The following STK3 variants were observed in gnomAD, a reference collection of about 807,000 sequenced individuals.
The protein encoded by STK3 is serine/threonine kinase 3, also known as serine/threonine-protein kinase 3.
A neutral mutation model predicts 58.0 loss-of-function variants in STK3; 41 were observed. That is an observed-to-expected ratio of 0.71 (90% CI 0.55 to 0.92). The LOEUF is 0.92. Ranked by LOEUF, STK3 falls within the 40% of genes least tolerant of loss-of-function variation. The pLI is 0.00. For synonymous variants in STK3, 170 were observed against 191.0 expected, an observed-to-expected ratio of 0.89 and a Z score of 0.91; for missense variants, 479 against 602.7, an observed-to-expected ratio of 0.79 and a Z score of 2.15.
At chr8:98,671,320 GA>G (rs1487634181) in intron 6 of STK3, among the ~76,000 whole-genome samples, 2 of 151,876 alleles carry the variant, frequency 1.3e-5, no homozygotes, top group African/African-American at 4.8e-5. Flanking sequence ...ATCTGAGGGG[GA>G]AAAAACCCAT....
chr8:98,641,240 C>T (rs1330348239), intron 6 of STK3, among the ~76,000 whole-genome samples: 2 of 152,084 alleles, frequency 1.3e-5, no homozygotes, highest in African/African-American at 4.8e-5. Flanking sequence ...TTCTCTCCTG[C>T]TAATTGACTT....
In STK3 at chr8:98,428,517, C is replaced by A. The variant is rs758587162; in HGVS notation, n.483+5610G>T. 6.2e-7 allele frequency: 1 copy of A among 1,614,176 alleles called. No homozygotes were observed. Among genetic ancestry groups the A allele is most frequent in the Non-Finnish European group, 8.5e-7 (1 of 1,180,034 alleles). On this transcript the variant is annotated intron_variant and non_coding_transcript_variant, in intron 3 of 3. Transcript: ENST00000517832. The surrounding 1 kb of genome is among the most constrained non-coding windows in gnomAD (Gnocchi z 6.7). ...GCAGCTGTGGCTGGCGCTGGACAAC[C>A]CCGGCTACTCAGTGCTGAGCAGGGT...
At chr8:98,672,567 C>T (rs181471350) in intron 6 of STK3, among the ~76,000 whole-genome samples, 6 of 152,252 alleles carry the variant, frequency 3.9e-5, no homozygotes, top group African/African-American at 1.4e-4. Context: ...GGCACTAGCA[C>T]ATTTAGAAAA....
At chr8:98,762,071 A>C (rs969157290) in intron 3 of STK3, among the ~76,000 whole-genome samples, 11 of 151,982 alleles carry the variant, frequency 7.2e-5, no homozygotes, top group Non-Finnish European at 1.0e-4. Flanking sequence ...CCCTGGGAAA[A>C]CTTTCCCTGA....
chr8:98,384,351 C>T (rs1817768594), intron 1 of STK3, among the ~76,000 whole-genome samples: 2 of 152,352 alleles, frequency 1.3e-5, no homozygotes, highest in East Asian at 1.9e-4. Flanking sequence ...AGCCTGCTTC[C>T]ACTTTGTGGA....
chr8:98,564,482 T>C (rs1812311440), intron 8 of STK3, among the ~76,000 whole-genome samples: 1 of 152,058 alleles, frequency 6.6e-6, no homozygotes, highest in South Asian at 2.1e-4. Flanking sequence ...GGGAGGCTTG[T>C]AGAGGCTAGG....
chr8:98,605,418 G>C (rs1011944699), intron 6 of STK3, among the ~76,000 whole-genome samples: 1 of 151,914 alleles, frequency 6.6e-6, no homozygotes, highest in African/African-American at 2.4e-5. Flanking sequence ...GAAGGTGAAG[G>C]GGAAGCAAGC....
At chr8:98,680,775 G>A (rs1202622302) in intron 6 of STK3, among the ~76,000 whole-genome samples, 1 of 151,830 alleles carries the variant, frequency 6.6e-6, no homozygotes, top group Non-Finnish European at 1.5e-5. Context: ...AACGATTTAA[G>A]ATCCAGAGAA....
intron 6 of STK3, among the ~76,000 whole-genome samples, chr8:98,636,783 T>C (rs1422668056): frequency 1.3e-5 from 2 of 152,142 alleles, no homozygotes; most frequent in Non-Finnish European, 2.9e-5. Context: ...AAACATATTA[T>C]TTAAAATGAA....
At chr8:98,667,256 A>C (rs1264768202) in intron 6 of STK3, among the ~76,000 whole-genome samples, 2 of 152,154 alleles carry the variant, frequency 1.3e-5, no homozygotes, top group African/African-American at 4.8e-5. Flanking sequence ...TTAAATATTT[A>C]GTCAGTAAAA....
intron 6 of STK3, among the ~76,000 whole-genome samples, chr8:98,654,086 A>C (rs180942671): frequency 6.6e-6 from 1 of 152,360 alleles, no homozygotes; most frequent in Non-Finnish European, 1.5e-5. Flanking sequence ...AATCCTCAAT[A>C]AAATACTGAC....
chr8:98,495,823 A>C (rs1823093409), intron 10 of STK3, among the ~76,000 whole-genome samples: 1 of 152,182 alleles, frequency 6.6e-6, no homozygotes, highest in Admixed American at 6.5e-5. Context: ...TAGACTTAAA[A>C]ATCTTAAAGC....
chr8:98,869,564 T>C (rs1428547153), intron 3 of STK3, among the ~76,000 whole-genome samples: 1 of 152,154 alleles, frequency 6.6e-6, no homozygotes, highest in Non-Finnish European at 1.5e-5. Context: ...AGGAAGGCCA[T>C]GTGAAGACAG....
At chr8:98,796,707 G>A (rs1587647640) in intron 1 of STK3, among the ~76,000 whole-genome samples, 1 of 152,148 alleles carries the variant, frequency 6.6e-6, no homozygotes, top group Admixed American at 6.5e-5. Context: ...TGCAAACTAT[G>A]CAGCCGTCAA....
At chr8:98,882,427 T>G (rs1199107775), downstream of STK3, 3 of 149,560 alleles carry the variant, frequency 2.0e-5, no homozygotes, top group Admixed American at 2.0e-4. Flanking sequence ...TTTTTTGTTT[T>G]TTTTTTTTTA....
chr8:98,450,866 A>AG (rs1482696970), downstream of STK3, among the ~76,000 whole-genome samples: 1 of 152,222 alleles, frequency 6.6e-6, no homozygotes, highest in East Asian at 1.9e-4. Flanking sequence ...AAGCAGGCTC[A>AG]GCAACCCTAA....
chr8:98,773,682 ATTTAC>A (rs909635249), intron 2 of STK3, among the ~76,000 whole-genome samples: 7 of 152,064 alleles, frequency 4.6e-5, no homozygotes, highest in African/African-American at 1.7e-4. Context: ...TCGCATGTTC[ATTTAC>A]TCTAACAGTT....
At chr8:98,805,237 C>G (rs576067472) in intron 1 of STK3, among the ~76,000 whole-genome samples, 7 of 152,198 alleles carry the variant, frequency 4.6e-5, no homozygotes, top group Non-Finnish European at 1.0e-4. Flanking sequence ...GAGTGAACTA[C>G]TTCTTAAAGG....
At chr8:98,521,850 C>T (rs1211348586) in intron 10 of STK3, among the ~76,000 whole-genome samples, 2 of 152,128 alleles carry the variant, frequency 1.3e-5, no homozygotes, top group Non-Finnish European at 2.9e-5. Flanking sequence ...AGTCCTCTTC[C>T]ACATTATAAT....
Sources: allele counts gnomAD v4.1 joint callset (sites outside exome capture counted in the v4.1 genomes callset), GRCh38; gene constraint gnomAD v4.1.1; non-coding constraint Gnocchi (gnomAD v3.1); transcripts MANE v1.5; gene names NCBI Gene and HGNC (gene_info 2026-07-23, HGNC 2026-07-21).